RASSF2: variants seen among roughly 807,000 people sequenced by gnomAD.
The protein encoded by RASSF2 is Ras association domain family member 2.
In RASSF2, 34 loss-of-function variants were observed where a neutral mutation model predicts 46.3. The observed-to-expected ratio is 0.73, with a 90% confidence interval of 0.56 to 0.98. The LOEUF (loss-of-function observed/expected upper bound fraction) is 0.98. Ranked by LOEUF, RASSF2 falls within the 50% of genes least tolerant of loss-of-function variation. The pLI is 0.00. For missense variants in RASSF2, 364 were observed against 431.2 expected (o/e 0.84, Z 1.38); for synonymous variants, 158 against 162.5 (o/e 0.97, Z 0.21).
chr20:4,822,628 G>A (rs1928775452), intron 1 of RASSF2, among the ~76,000 whole-genome samples: 1 of 152,256 alleles, frequency 6.6e-6, no homozygotes, highest in East Asian at 1.9e-4. Context: ...AGCCGGGGCC[G>A]CCCACGGCAC....
rs1038835526 is a variant in RASSF2, at chr20:4,788,205, C to T, written c.691+12G>A. On this transcript the variant is annotated intron_variant, in intron 9 of 11. Coordinates refer to ENST00000379400, the MANE Select transcript of RASSF2 (RefSeq NM_014737.3). ...TAGAAGTTTTAAAGTACACTGTGGT[C>T]TTCAGACTTACCACCACTCGTATGG... is the stretch of plus-strand genomic sequence containing the variant. 3.8e-6 allele frequency: 6 copies of T among 1,577,702 alleles called. No individual in the cohort carries two copies. The highest frequency in any genetic ancestry group is 1.3e-5 in the African/African-American group (1 of 74,084).
chr20:4,823,199 C>A (rs919552012), intron 1 of RASSF2, among the ~76,000 whole-genome samples: 3 of 152,092 alleles, frequency 2.0e-5, no homozygotes, highest in Middle Eastern at 3.2e-3. Flanking sequence ...CGTGGAAAAA[C>A]TTTGGCGAGG....
At chr20:4,787,165 T>C (rs1384061289) in intron 10 of RASSF2, among the ~76,000 whole-genome samples, 1 of 152,210 alleles carries the variant, frequency 6.6e-6, no homozygotes, top group African/African-American at 2.4e-5. Context: ...ACCCTATTAA[T>C]GCTGAGCTTG....
intron 10 of RASSF2, among the ~76,000 whole-genome samples, chr20:4,787,029 G>A (rs1251466918): frequency 6.6e-6 from 1 of 151,478 alleles, no homozygotes; most frequent in Non-Finnish European, 1.5e-5. Context: ...CTGCACTCCA[G>A]CCTGGGCAAC....
At chr20:4,817,960 C>G (rs1212240455) in intron 2 of RASSF2, among the ~76,000 whole-genome samples, 1 of 152,166 alleles carries the variant, frequency 6.6e-6, no homozygotes, top group Non-Finnish European at 1.5e-5. Context: ...CAGAGTCTCA[C>G]AGCATAAACA....
intron 2 of RASSF2, among the ~76,000 whole-genome samples, chr20:4,802,914 A>ATTTTTT (rs60825053): frequency 4.2e-5 from 4 of 95,580 alleles, no homozygotes; most frequent in African/African-American, 1.3e-4. Flanking sequence ...ATATATATAT[A>ATTTTTT]TTTTTTTTTT....
chr20:4,809,186 C>T (rs376864641), intron 2 of RASSF2, among the ~76,000 whole-genome samples: 1 of 152,164 alleles, frequency 6.6e-6, no homozygotes, highest in African/African-American at 2.4e-5. Context: ...TACTTGGAGA[C>T]CCATTCATGA....
chr20:4,804,518 T>C (rs1209388495), intron 2 of RASSF2, among the ~76,000 whole-genome samples: 1 of 152,106 alleles, frequency 6.6e-6, no homozygotes, highest in Non-Finnish European at 1.5e-5. Flanking sequence ...TTTGTATTTT[T>C]AGTGGAGACG....
At chr20:4,784,403 T>G (rs1925104912) in intron 11 of RASSF2, 61 bp from the exon 12 acceptor site, 5 of 1,523,800 alleles carry the variant, frequency 3.3e-6, no homozygotes, top group Non-Finnish European at 4.6e-6. Context: ...GCCCAGGACC[T>G]TCCCGGCCAC....
At chr20:4,811,670 C>T (rs532016481) in intron 2 of RASSF2, among the ~76,000 whole-genome samples, 40 of 152,188 alleles carry the variant, frequency 2.6e-4, no homozygotes, top group African/African-American at 8.4e-4. Context: ...TAGAGTGTCC[C>T]GCAGGGTCTA....
chr20:4,809,961 C>A (rs1028092774), intron 2 of RASSF2, among the ~76,000 whole-genome samples: 10 of 152,202 alleles, frequency 6.6e-5, no homozygotes, highest in Non-Finnish European at 1.3e-4. Context: ...AAGAGCAATT[C>A]TCAGGAAACG....
At chr20:4,786,199 A>G in intron 11 of RASSF2, 32 bp downstream of exon 11, 2 of 1,536,890 alleles carry the variant, frequency 1.3e-6, no homozygotes, top group Non-Finnish European at 1.8e-6. Context: ...CCCCAGGAGA[A>G]GTGCACCCAG....
At chr20:4,814,282 A>C (rs892560137) in intron 2 of RASSF2, among the ~76,000 whole-genome samples, 2 of 152,324 alleles carry the variant, frequency 1.3e-5, no homozygotes, top group Admixed American at 1.3e-4. Context: ...AGATCCAGGC[A>C]GGTAAGGAGG....
At chr20:4,792,270 G>A (rs868378622) in intron 6 of RASSF2, among the ~76,000 whole-genome samples, 112 of 137,294 alleles carry the variant, frequency 8.2e-4, no homozygotes, top group African/African-American at 2.9e-3. Context: ...GGGGAGGGGA[G>A]GGGAGGGGAG....
chr20:4,784,342 C>T lies in RASSF2; in HGVS notation c.912G>A (p.Lys304=), dbSNP rs768363419. Reference sequence around the variant, plus strand: ...GAATCATTAGCCGGAGCACGGTGTACCTGGAGACAAGAAACAGGCTCAGAT... The same window carrying T: ...GAATCATTAGCCGGAGCACGGTGTATCTGGAGACAAGAAACAGGCTCAGAT... ...EDREVKKLMR[K]YTVLRLMIRQ... Residue 304 remains lysine (K), a splice_region_variant and synonymous_variant, in exon 12 of 12, where the codon AAG becomes AAA. Coordinates refer to ENST00000379400, the MANE Select transcript of RASSF2 (RefSeq NM_014737.3). The T allele has an allele frequency of 2.6e-5, 42 of 1,613,532 alleles. 1 individual carries two copies. In the South Asian group the frequency reaches 4.5e-4, roughly 17 times the overall value.
chr20:4,808,486 C>CTTTTTT (rs11431404), intron 2 of RASSF2, among the ~76,000 whole-genome samples: 1 of 131,654 alleles, frequency 7.6e-6, no homozygotes, highest in African/African-American at 2.9e-5. Flanking sequence ...TTACACAAAT[C>CTTTTTT]TTTTTTTTTT....
chr20:4,817,284 T>C (rs958626094), intron 2 of RASSF2, among the ~76,000 whole-genome samples: 1 of 152,124 alleles, frequency 6.6e-6, no homozygotes, highest in Non-Finnish European at 1.5e-5. Context: ...GCGAGGGACA[T>C]CCCCATACAC....
Position 4,787,723 on chromosome 20 carries a change from C to A in RASSF2, c.723G>T (p.Pro241=). Reference sequence around the variant, plus strand: ...GGCCCTGGAGGATTCGGGCAATCAGCGGGTAATCGGTGGCCTTCAGCTTCT... The same window carrying A: ...GGCCCTGGAGGATTCGGGCAATCAGAGGGTAATCGGTGGCCTTCAGCTTCT... ...EKQKLKATDY[P]LIARILQGPC... is the part of the protein sequence containing the mutation. The change falls in exon 10 of 12, where the codon CCG becomes CCT. Residue 241 remains proline (P), a synonymous_variant. Coordinates refer to ENST00000379400, the MANE Select transcript of RASSF2 (RefSeq NM_014737.3). 1 of 1,614,146 alleles carries A rather than the reference C, an allele frequency of 6.2e-7. No homozygotes were observed.
At chr20:4,818,277 A>C (rs1369710795) in intron 2 of RASSF2, among the ~76,000 whole-genome samples, 2 of 152,068 alleles carry the variant, frequency 1.3e-5, no homozygotes, top group South Asian at 2.1e-4. Flanking sequence ...AAAAAAAAAA[A>C]CACAATAATA....
Sources: allele counts gnomAD v4.1 joint callset (sites outside exome capture counted in the v4.1 genomes callset), GRCh38; gene constraint gnomAD v4.1.1; transcripts MANE v1.5; gene names NCBI Gene and HGNC (gene_info 2026-07-23, HGNC 2026-07-21).